The following CD99 variants were observed in gnomAD, a reference collection of about 807,000 sequenced individuals.
The protein encoded by CD99 is CD99 antigen.
In CD99, 19 loss-of-function variants were observed where a neutral mutation model predicts 28.4. The ratio of observed to expected loss-of-function variants is 0.67; its 90% CI spans 0.47 to 0.98. The LOEUF is 0.98. CD99 is among the 50% of genes least tolerant of loss of function. CD99 has a pLI of 0.00. For synonymous variants in CD99, 103 were observed against 92.1 expected (o/e 1.12, Z -0.67); for missense variants, 283 against 248.8 (o/e 1.14, Z -0.92).
intron 1 of CD99, among the ~76,000 whole-genome samples, chrX:2,693,372 A>G (rs927745079): frequency 3.3e-5 from 5 of 152,106 alleles, no homozygotes; most frequent in African/African-American, 1.2e-4. Context: ...GCAGTGGGAT[A>G]GGGGCATAAC....
intron 5 of CD99, among the ~76,000 whole-genome samples, chrX:2,720,893 T>TG (rs2048963920): frequency 6.6e-6 from 1 of 152,212 alleles, no homozygotes; most frequent in Non-Finnish European, 1.5e-5. Context: ...CCAAAAGTGC[T>TG]GGGATGACAG....
chrX:2,740,709 T>C (rs1465885451), intron 9 of CD99, 70 bp from the exon 10 acceptor site: 53 of 1,527,770 alleles, frequency 3.5e-5, no homozygotes, highest in Non-Finnish European at 9.0e-7. Context: ...TCCTGAAAGT[T>C]GTAGGAACTG....
chrX:2,728,834 C>CA (rs1337024557), intron 8 of CD99, among the ~76,000 whole-genome samples: 1 of 119,622 alleles, frequency 8.4e-6, no homozygotes, highest in African/African-American at 3.4e-5. Flanking sequence ...AACTCTCTGG[C>CA]TTTTTTTTTT....
intron 2 of CD99, among the ~76,000 whole-genome samples, chrX:2,715,829 T>A (rs2048680969): frequency 6.6e-6 from 1 of 152,132 alleles, no homozygotes; most frequent in Non-Finnish European, 1.5e-5. Context: ...CTCTTCCCTG[T>A]GTCTCCATGT....
intron 7 of CD99, 88 bp downstream of exon 7, chrX:2,723,452 T>A: frequency 6.8e-7 from 1 of 1,460,892 alleles, no homozygotes; most frequent in African/African-American, 1.4e-5. Context: ...CGGACTGCAC[T>A]GGCATTGGCC....
chrX:2,703,222 G>A (rs953659322), intron 1 of CD99, among the ~76,000 whole-genome samples: 10 of 152,116 alleles, frequency 6.6e-5, no homozygotes, highest in African/African-American at 2.2e-4. Context: ...TTGTGTTTTC[G>A]TGCTTTTTGT....
At chrX:2,732,265 A>C (rs1165478267) in intron 8 of CD99, among the ~76,000 whole-genome samples, 2 of 151,962 alleles carry the variant, frequency 1.3e-5, no homozygotes, top group African/African-American at 4.8e-5. Flanking sequence ...TCAGACCACT[A>C]ACCACACGGA....
chrX:2,734,371 A>G (rs1051340255), intron 8 of CD99, among the ~76,000 whole-genome samples: 4 of 151,478 alleles, frequency 2.6e-5, no homozygotes, highest in Admixed American at 1.3e-4. Flanking sequence ...CAGTGGTGCA[A>G]TCTTGGCTCA....
At chrX:2,730,978 C>G (rs1352087798) in intron 8 of CD99, among the ~76,000 whole-genome samples, 1 of 151,206 alleles carries the variant, frequency 6.6e-6, no homozygotes, top group Non-Finnish European at 1.5e-5. Flanking sequence ...AGGCACTCTT[C>G]TATAAATACC....
chrX:2,740,856 G>C lies in CD99; in HGVS notation c.*52G>C, dbSNP rs1381882490. The C allele has an allele frequency of 3.1e-6, 5 of 1,602,190 alleles. No individual in the cohort carries two copies. Among genetic ancestry groups the C allele is most frequent in the Non-Finnish European group, 4.3e-6 (5 of 1,169,242 alleles). On this transcript the variant is annotated 3_prime_UTR_variant, in exon 10 of 10. Coordinates refer to ENST00000381192, the MANE Select transcript of CD99 (RefSeq NM_002414.5). The stretch of plus-strand genomic sequence containing the variant: ...CGTTGGCAGCAGGGTTAGAACAGCT[G>C]CCTGAGGCTCCTCCCTGAAGGACAC...
At chrX:2,712,083 G>T (rs2048435336) in intron 1 of CD99, among the ~76,000 whole-genome samples, 1 of 152,092 alleles carries the variant, frequency 6.6e-6, no homozygotes, top group Non-Finnish European at 1.5e-5. Context: ...AACATGGATG[G>T]AACTGGAGGA....
intron 1 of CD99, among the ~76,000 whole-genome samples, chrX:2,712,975 T>A (rs1280937798): frequency 6.6e-6 from 1 of 150,672 alleles, no homozygotes; most frequent in Non-Finnish European, 1.5e-5. Context: ...CACCTACACA[T>A]ACACACACAA....
intron 8 of CD99, among the ~76,000 whole-genome samples, chrX:2,736,702 A>G (rs1478819503): frequency 6.6e-6 from 1 of 151,614 alleles, no homozygotes; most frequent in African/African-American, 2.4e-5. Flanking sequence ...CTAAAAATAC[A>G]AAAAATTAGC....
intron 8 of CD99, chrX:2,733,592 T>C: frequency 1.8e-6 from 1 of 548,706 alleles, no homozygotes; most frequent in Non-Finnish European, 3.3e-6. Context: ...TTATAGCAAA[T>C]CATATTTCTG....
At chrX:2,715,686 A>T (rs2048671288) in intron 2 of CD99, 1 of 149,020 alleles carries the variant, frequency 6.7e-6, no homozygotes, top group Non-Finnish European at 1.5e-5. Flanking sequence ...TGCTCAATCC[A>T]CTGCAGTTAT....
chrX:2,692,414 G>A (rs1227336915), intron 1 of CD99, among the ~76,000 whole-genome samples: 1 of 152,192 alleles, frequency 6.6e-6, no homozygotes, highest in Non-Finnish European at 1.5e-5. Context: ...GACGGAGGAG[G>A]CCCGATTTGT....
intron 1 of CD99, among the ~76,000 whole-genome samples, chrX:2,703,721 G>A (rs1009802120): frequency 2.6e-5 from 4 of 151,762 alleles, no homozygotes; most frequent in Non-Finnish European, 5.9e-5. Flanking sequence ...CGGCGGAGGG[G>A]TTATTTCAAG....
chrX:2,718,399 C>G (rs1348472129), intron 3 of CD99, among the ~76,000 whole-genome samples: 3 of 146,310 alleles, frequency 2.1e-5, no homozygotes, highest in Non-Finnish European at 4.5e-5. Flanking sequence ...GACGGAGTCT[C>G]GCTCTGTCGC....
At chrX:2,702,855 C>T (rs1184821786) in intron 1 of CD99, among the ~76,000 whole-genome samples, 1 of 152,012 alleles carries the variant, frequency 6.6e-6, no homozygotes, top group Non-Finnish European at 1.5e-5. Flanking sequence ...GATCTTGGCT[C>T]ACTGTAACCT....
Sources: gnomAD v4.1 joint callset for allele counts (sites outside exome capture counted in the v4.1 genomes callset) on GRCh38, gnomAD v4.1.1 for gene constraint, MANE v1.5 for transcripts, NCBI Gene and HGNC (gene_info 2026-07-23, HGNC 2026-07-21) for gene names.